TPX2: variants seen among roughly 807,000 people sequenced by gnomAD.
TPX2 encodes the protein TPX2 microtubule nucleation factor.
Under a neutral mutation model 93.6 loss-of-function variants are expected in TPX2, and 21 were observed. The ratio of observed to expected loss-of-function variants is 0.22; its 90% CI spans 0.16 to 0.32. The LOEUF is 0.32. Among genes scored for constraint, TPX2 ranks in the 10% least tolerant of loss-of-function variants. The probability of loss-of-function intolerance (pLI) is 1.00; values close to 1 mark genes in which losing one functional copy is unlikely to be tolerated. For missense variants in TPX2, 776 were observed against 871.1 expected (o/e 0.89, Z 1.37); for synonymous variants, 281 against 298.3 (o/e 0.94, Z 0.60).
chr20:31,763,900 T>C (rs1482583594), intron 4 of TPX2, among the ~76,000 whole-genome samples: 7 of 151,344 alleles, frequency 4.6e-5, no homozygotes, highest in African/African-American at 2.4e-5. Flanking sequence ...GCACCTGTAG[T>C]CCCAGCTACT....
intron 7 of TPX2, among the ~76,000 whole-genome samples, chr20:31,772,729 T>G (rs1314106148): frequency 6.6e-6 from 1 of 152,216 alleles, no homozygotes; most frequent in Admixed American, 6.5e-5. Flanking sequence ...TATCCTTTTT[T>G]GATAGATTGT....
At chr20:31,769,485 AT>A (rs911531530) in intron 5 of TPX2, among the ~76,000 whole-genome samples, 6 of 149,076 alleles carry the variant, frequency 4.0e-5, no homozygotes, top group East Asian at 2.0e-4. Flanking sequence ...CGCCTGGCTA[AT>A]TTTTTTTTTC....
intron 7 of TPX2, 44 bp downstream of exon 7, chr20:31,771,726 A>C: frequency 6.3e-7 from 1 of 1,580,522 alleles, no homozygotes; most frequent in Non-Finnish European, 8.6e-7. Flanking sequence ...GAATGGTATA[A>C]AATTACAGAT....
intron 3 of TPX2, among the ~76,000 whole-genome samples, chr20:31,758,018 C>A (rs2061862348): frequency 1.3e-5 from 2 of 151,916 alleles, no homozygotes; most frequent in Admixed American, 1.3e-4. Context: ...GTATTAAGTT[C>A]TCTGTGGTTT....
intron 12 of TPX2, among the ~76,000 whole-genome samples, chr20:31,784,922 C>T (rs1029364663): frequency 2.2e-4 from 33 of 152,128 alleles, no homozygotes; most frequent in African/African-American, 6.8e-4. Context: ...GATGCAGGTC[C>T]GGGATAACTC....
intron 5 of TPX2, among the ~76,000 whole-genome samples, chr20:31,768,619 G>C (rs565148423): frequency 6.6e-6 from 1 of 152,176 alleles, no homozygotes; most frequent in South Asian, 2.1e-4. Flanking sequence ...GATAAATTCA[G>C]GCACATTTAT....
At chr20:31,764,467 C>T (rs1217036330) in intron 4 of TPX2, among the ~76,000 whole-genome samples, 1 of 152,102 alleles carries the variant, frequency 6.6e-6, no homozygotes, top group Non-Finnish European at 1.5e-5. Context: ...TGTGCCTGGC[C>T]CCACTTTAAC....
chr20:31,766,989 A>G (rs904604772), intron 5 of TPX2, among the ~76,000 whole-genome samples: 8 of 151,632 alleles, frequency 5.3e-5, no homozygotes, highest in African/African-American at 1.9e-4. Context: ...TTTAGTAGAG[A>G]TAGGGTTTTG....
At position 31,760,191 on chromosome 20, in the gene TPX2, T is replaced by A. The variant is rs1194780494; in HGVS notation, c.229+12T>A. ...ACCTTTGAAACCAGGTAAGAAAACA[T>A]CTTAGAAAAAAGCTCCTTGATAGAA... On this transcript the variant is annotated intron_variant, in intron 4 of 17. Transcript: ENST00000300403. 6.2e-7 allele frequency: 1 copy of A among 1,612,524 alleles called. No homozygotes were observed. The highest frequency in any genetic ancestry group is 8.5e-7 in the Non-Finnish European group (1 of 1,179,502).
intron 12 of TPX2, among the ~76,000 whole-genome samples, chr20:31,785,878 C>G (rs928484490): frequency 6.6e-6 from 1 of 152,156 alleles, no homozygotes; most frequent in African/African-American, 2.4e-5. Context: ...GTACCACTCT[C>G]TCAATTTGTC....
intron 13 of TPX2, 34 bp downstream of exon 13, chr20:31,792,864 T>G: frequency 6.3e-7 from 1 of 1,575,360 alleles, no homozygotes; most frequent in Non-Finnish European, 8.7e-7. Flanking sequence ...TTCTTTTTCC[T>G]TCTATATAGT....
intron 12 of TPX2, among the ~76,000 whole-genome samples, chr20:31,789,428 T>G (rs2062086877): frequency 6.6e-6 from 1 of 152,130 alleles, no homozygotes; most frequent in South Asian, 2.1e-4. Context: ...CCTCAAAGCT[T>G]TCATAGTCTG....
At chr20:31,787,505 C>T (rs1264593390) in intron 12 of TPX2, among the ~76,000 whole-genome samples, 1 of 151,932 alleles carries the variant, frequency 6.6e-6, no homozygotes, top group East Asian at 1.9e-4. Flanking sequence ...AGACAGGTCT[C>T]AATCAATTTA....
chr20:31,779,096 A>G (rs1463475420), intron 10 of TPX2, 112 bp downstream of exon 10: 2 of 1,218,020 alleles, frequency 1.6e-6, no homozygotes, highest in Non-Finnish European at 2.2e-6. Flanking sequence ...CAATTAAAGT[A>G]TGGCGTGTGA....
intron 14 of TPX2, among the ~76,000 whole-genome samples, 185 bp from the exon 15 acceptor site, chr20:31,794,217 C>T (rs2062120803): frequency 1.3e-5 from 2 of 152,198 alleles, no homozygotes; most frequent in African/African-American, 4.8e-5. Flanking sequence ...TGCCTCTGAT[C>T]ACACTGCTGG....
At chr20:31,746,967 A>C (rs1005525332) in intron 2 of TPX2, among the ~76,000 whole-genome samples, 1 of 152,188 alleles carries the variant, frequency 6.6e-6, no homozygotes, top group Non-Finnish European at 1.5e-5. Flanking sequence ...TATTTTTTAC[A>C]TCAGGAAACC....
Position 31,783,849 on chromosome 20 carries a change from G to T in TPX2, c.1341G>T (p.Lys447Asn), listed in dbSNP as rs1352716423. Residue 447 changes from lysine to asparagine, a missense_variant, in exon 12 of 18, where the codon AAG (lysine) becomes AAT (asparagine). By Grantham distance (94) the Lys-to-Asn change is moderately conservative (BLOSUM62 0). Around this residue, in one of 3 missense-constraint regions of TPX2, gnomAD observed 461 missense variants for 551.2 expected, o/e 0.84. Transcript: ENST00000300403. ...AAAGAATCCAGGAGCGAGAATCAAA[G>T]AAGAAAACAGAGGATGAACACTTTG... ...IEKRIQERESKKKTEDEHFEF... is the reference protein window; with the variant it reads ...IEKRIQERESNKKTEDEHFEF... The T allele has an allele frequency of 6.2e-7, 1 of 1,608,400 alleles. No homozygotes were observed. The highest frequency in any genetic ancestry group is 1.7e-5 in the Admixed American group (1 of 57,968).
In TPX2 at chr20:31,760,275, T is replaced by G. The variant is rs945906696; in HGVS notation, c.229+96T>G. 4.2e-5 allele frequency: 63 copies of G among 1,487,734 alleles called. 1 individual carries two copies. The East Asian group carries it at 1.4e-3, about 33-fold the overall frequency. The allele number at this position is 1,487,734 out of a possible 1,614,324, so 92.2% of individuals were successfully genotyped here. On this transcript the variant is annotated intron_variant, in intron 4 of 17. Coordinates refer to ENST00000300403, the MANE Select transcript of TPX2 (RefSeq NM_012112.5). ...GGGAAAATTACCTAAATGCTCTATCTCTTTGTTTATTATTGGTGAAATGGG... is the reference window on the plus strand; with the variant it reads ...GGGAAAATTACCTAAATGCTCTATCGCTTTGTTTATTATTGGTGAAATGGG...
chr20:31,792,176 C>T (rs2062106104), intron 12 of TPX2, among the ~76,000 whole-genome samples: 1 of 152,054 alleles, frequency 6.6e-6, no homozygotes, highest in Admixed American at 6.6e-5. Flanking sequence ...TTGCTTGAGG[C>T]CAGGAATTTG....
Sources: allele counts gnomAD v4.1 joint callset (sites outside exome capture counted in the v4.1 genomes callset), GRCh38; gene constraint gnomAD v4.1.1; regional missense constraint gnomAD v4.1.1; transcripts MANE v1.5; gene names NCBI Gene and HGNC (gene_info 2026-07-23, HGNC 2026-07-21).